DPH7: variants seen among roughly 807,000 people sequenced by gnomAD.
DPH7 encodes the protein diphthamide biosynthesis 7, also known as diphthine methyltransferase.
A neutral mutation model predicts 41.7 loss-of-function variants in DPH7; 44 were observed. That is an observed-to-expected ratio of 1.05 (90% confidence interval 0.83 to 1.36). DPH7 has a LOEUF of 1.36. Among genes scored for constraint, DPH7 ranks in the 40% most tolerant of loss-of-function variants. The pLI, the probability that DPH7 is intolerant of heterozygous loss-of-function variation, is 0.00. For synonymous variants in DPH7, 275 were observed against 238.0 expected (o/e 1.16, Z -1.43); for missense variants, 629 against 577.5 (o/e 1.09, Z -0.91).
rs1213886088 is a variant in DPH7 at position 137,574,272 on chromosome 9, C to T, written c.576G>A (p.Gln192=). Residue 192 remains glutamine, a synonymous_variant, in exon 5 of 9, where the codon CAG becomes CAA. Transcript: ENST00000277540. ...RPRLQKVASW[Q]AHQFEAWIAA... Reference sequence around the variant, plus strand: ...CAATCCAGGCCTCGAATTGATGTGCCTGCCATGAGGCCACTTTCTGCAGCC... The same window carrying T: ...CAATCCAGGCCTCGAATTGATGTGCTTGCCATGAGGCCACTTTCTGCAGCC... 1.2e-6 allele frequency: 2 copies of T among 1,614,092 alleles called. No individual in the cohort carries two copies. Among genetic ancestry groups the T allele is most frequent in the African/African-American group, 1.3e-5 (1 of 74,946 alleles).
intron 1 of DPH7, 130 bp downstream of exon 1, chr9:137,578,494 AC>A (rs1194975220): frequency 9.0e-7 from 1 of 1,111,628 alleles, no homozygotes. Context: ...AAGATTCTAA[AC>A]TGTTTCCAGC....
intron 8 of DPH7, among the ~76,000 whole-genome samples, chr9:137,561,899 G>C (rs987077469): frequency 3.9e-5 from 6 of 152,150 alleles, no homozygotes; most frequent in Admixed American, 1.3e-4. Context: ...GAGTCTCGCT[G>C]TGTCTCCCAG....
chr9:137,557,271 G>A (rs1837677303), intron 8 of DPH7, among the ~76,000 whole-genome samples: 1 of 152,214 alleles, frequency 6.6e-6, no homozygotes, highest in Admixed American at 6.5e-5. Context: ...ACTTTGGGAA[G>A]CCAAGGCGGG....
At chr9:137,576,249 C>T in intron 2 of DPH7, 82 bp from the exon 3 acceptor site, 1 of 1,266,356 alleles carries the variant, frequency 7.9e-7, no homozygotes, top group Non-Finnish European at 1.1e-6. Context: ...CACAGTCACG[C>T]TTCCCTTAAC....
intron 5 of DPH7, among the ~76,000 whole-genome samples, chr9:137,567,614 T>C (rs866530251): frequency 8.3e-4 from 5 of 6,024 alleles, no homozygotes; most frequent in Middle Eastern, 0.12. Context: ...TGACTCTGTC[T>C]GTGAGGAAGC....
intron 5 of DPH7, among the ~76,000 whole-genome samples, chr9:137,568,505 G>A (rs1839826864): frequency 8.3e-6 from 1 of 121,100 alleles, no homozygotes; most frequent in Non-Finnish European, 1.7e-5. Flanking sequence ...CTCTGTCTGT[G>A]AGGAAGCTCC....
chr9:137,563,888 C>T lies in DPH7; in HGVS notation c.949+546G>A, dbSNP rs1347077214. On this transcript the variant is annotated intron_variant, in intron 8 of 8. Transcript: ENST00000277540. Reference sequence around the variant, plus strand: ...CTGCCTAGAGAAATGTTACAGATCACCAGGAATCCCAGGGACCTACTAGAA... The same window carrying T: ...CTGCCTAGAGAAATGTTACAGATCATCAGGAATCCCAGGGACCTACTAGAA... Among the ~76,000 whole-genome samples the T allele has an allele frequency of 2.0e-5, 3 of 152,170 alleles. No individual in the cohort carries two copies. The East Asian group carries it at 5.8e-4, about 29-fold the overall frequency.
rs1839231898 is a variant in DPH7, at chr9:137,564,586, A to G, written c.797T>C (p.Leu266Pro). 6.2e-7 allele frequency: 1 copy of G among 1,613,296 alleles called. No individual in the cohort carries two copies. Among genetic ancestry groups the G allele is most frequent in the African/African-American group, 1.3e-5 (1 of 74,930 alleles). ...CTGCTTCATGTTTCGTGTGTCCCAC[A>G]GTAGGATGTGTTCATCATAGCTGAA... ...ATGSYDEHIL[L>P]WDTRNMKQPL... Residue 266 changes from leucine to proline, a missense_variant, in exon 8 of 9, where the codon CTG (leucine) becomes CCG (proline). By Grantham distance (98) the Leu-to-Pro change is moderately conservative. Transcript: ENST00000277540.
rs1837575903 is a variant in DPH7, at chr9:137,556,750, T to TCCC, written c.950-1103_950-1102insGGG. ...GTAGCGTCACAGGGCAGGCAGGACCTCCGCTAGTCTTTCATCCAGCAATCG... is the reference window on the plus strand; with the variant it reads ...GTAGCGTCACAGGGCAGGCAGGACCTCCCCCGCTAGTCTTTCATCCAGCAATCG... On this transcript the variant is annotated intron_variant, in intron 8 of 8. Transcript: ENST00000277540. This position sits in a 1 kb window ranked among gnomAD's most constrained non-coding sequence, Gnocchi z 5.2. 2.2e-6 allele frequency: 1 copy of TCCC among 452,816 alleles called. No homozygotes were observed. The highest frequency in any genetic ancestry group is 2.0e-5 in the African/African-American group (1 of 49,816). The allele number at this position is 452,816 out of a possible 1,614,324, so 28.0% of individuals were successfully genotyped here.
At chr9:137,578,057 C>T in intron 1 of DPH7, 1 of 934,834 alleles carries the variant, frequency 1.1e-6, no homozygotes, top group South Asian at 4.9e-5. Context: ...GTGGCTCGTG[C>T]CTGTGGTGCC....
Position 137,561,839 on chromosome 9 carries a change from G to A in DPH7, c.949+2595C>T, listed in dbSNP as rs1396959187. ...GAGGCTGGAAATACATAATTCTACA[G>A]TTAGAGTTGGAGGTAGCAATAGCCC... On this transcript the variant is annotated intron_variant, in intron 8 of 8. Transcript: ENST00000277540. 6.6e-5 allele frequency among the ~76,000 whole-genome samples: 10 copies of A among 152,266 alleles called. No individual in the cohort carries two copies. The East Asian group carries it at 1.9e-3, about 29-fold the overall frequency.
At position 137,572,884 on chromosome 9, in the gene DPH7, T is replaced by C. The variant is rs1251958003; in HGVS notation, c.640+1324A>G. ...GAAATCCAACATGGCGAAGTCACTATTGTATCCACAGGTATCAGGCAAAAA... is the reference window on the plus strand; with the variant it reads ...GAAATCCAACATGGCGAAGTCACTACTGTATCCACAGGTATCAGGCAAAAA... On this transcript the variant is annotated intron_variant, in intron 5 of 8. Transcript: ENST00000277540. Among the ~76,000 whole-genome samples the C allele has an allele frequency of 5.3e-5, 8 of 152,224 alleles. No homozygotes were observed. In the East Asian group the frequency reaches 1.3e-3, roughly 26 times the overall value.
At chr9:137,578,486 G>C in intron 1 of DPH7, 139 bp downstream of exon 1, 1 of 1,075,768 alleles carries the variant, frequency 9.3e-7, no homozygotes, top group Non-Finnish European at 1.2e-6. Flanking sequence ...TTTTTAAAAA[G>C]ATTCTAAACT....
intron 2 of DPH7, among the ~76,000 whole-genome samples, chr9:137,576,578 CT>C (rs1841428306): frequency 6.6e-6 from 1 of 152,098 alleles, no homozygotes; most frequent in South Asian, 2.1e-4. Flanking sequence ...TTTCTACAAA[CT>C]AACAAACAAA....
chr9:137,575,168 C>T lies in DPH7; in HGVS notation c.376-325G>A, dbSNP rs77363400. The T allele has an allele frequency of 2.3e-3, 2,491 of 1,060,248 alleles. 37 individuals are homozygous for T. In the African/African-American group the frequency reaches 0.039, roughly 17 times the overall value. 65.7% of individuals were successfully genotyped at this position (1,060,248 alleles called of 1,614,324 possible). On this transcript the variant is annotated intron_variant, in intron 3 of 8. Coordinates refer to ENST00000277540, the MANE Select transcript of DPH7 (RefSeq NM_138778.5). ...GCTGTCGAGATGCCTGTGCAGGCTC[C>T]AGACCACAGTGGCACACACAGTTTC...
In DPH7 at chr9:137,555,511, T is replaced by G; in HGVS notation, c.1087A>C (p.Lys363Gln). The G allele has an allele frequency of 5.6e-6, 9 of 1,614,102 alleles. No individual in the cohort carries two copies. The highest frequency in any genetic ancestry group is 7.6e-6 in the Non-Finnish European group (9 of 1,179,998). The change falls in exon 9 of 9, where the codon AAG (lysine) becomes CAG (glutamine). Residue 363 changes from lysine (K) to glutamine (Q), a missense_variant. Lys to Gln is a moderately conservative substitution (Grantham distance 53, BLOSUM62 1). Transcript: ENST00000277540. ...CTTGCACCCTTCAGGTCTGCCGTCT[T>G]GGTTCCTAGGTTGCTAGGAAAGGAC... is the stretch of plus-strand genomic sequence containing the variant. ...SWSFPSNLGT[K>Q]TADLKGASEL...
chr9:137,558,421 C>A (rs904984817), intron 8 of DPH7, among the ~76,000 whole-genome samples: 1 of 152,146 alleles, frequency 6.6e-6, no homozygotes, highest in Non-Finnish European at 1.5e-5. Context: ...TAAAAACTCA[C>A]CATAGCCAAA....
In DPH7 at chr9:137,578,684, C is replaced by G; in HGVS notation, c.94G>C (p.Ala32Pro). 1 of 1,529,206 alleles carries G rather than the reference C, an allele frequency of 6.5e-7. No individual in the cohort carries two copies. Among genetic ancestry groups the G allele is most frequent in the Non-Finnish European group, 8.8e-7 (1 of 1,139,556 alleles). The allele number at this position is 1,529,206 out of a possible 1,614,324, so 94.7% of individuals were successfully genotyped here. A position where few individuals can be genotyped will look rare whatever the true frequency, so the allele number is the denominator to read the frequency against. ...CPLQGCRHLL[A>P]CGTYQLRRPE... ...CGCCGCAGCTGGTAGGTCCCGCACG[C>G]CAGCAGGTGCCTGCAGCCTTGCAGC... The change falls in exon 1 of 9, where the codon GCG (alanine) becomes CCG (proline). Residue 32 changes from alanine (A) to proline (P), a missense_variant. Physicochemically the swap from Ala to Pro is conservative, Grantham distance 27 (BLOSUM62 -1). Transcript: ENST00000277540.
At chr9:137,573,706 A>G (rs1840879452) in intron 5 of DPH7, among the ~76,000 whole-genome samples, 1 of 150,856 alleles carries the variant, frequency 6.6e-6, no homozygotes, top group South Asian at 2.1e-4. Flanking sequence ...AAAAAAAAAA[A>G]AAAAGAATAG....
Sources: allele counts gnomAD v4.1 joint callset (sites outside exome capture counted in the v4.1 genomes callset), GRCh38; gene constraint gnomAD v4.1.1; non-coding constraint Gnocchi (gnomAD v3.1); transcripts MANE v1.5; gene names NCBI Gene and HGNC (gene_info 2026-07-23, HGNC 2026-07-21).